LONP2: variants seen among roughly 807,000 people sequenced by gnomAD.
The protein encoded by LONP2 is lon protease homolog 2, peroxisomal.
A neutral mutation model predicts 85.6 loss-of-function variants in LONP2; 60 were observed. The ratio of observed to expected loss-of-function variants is 0.70; its 90% CI spans 0.57 to 0.87. The LOEUF (loss-of-function observed/expected upper bound fraction) is 0.87, where lower values mean the gene tolerates loss of function less well. LONP2 is among the 40% of genes least tolerant of loss of function. LONP2 has a pLI of 0.00. For synonymous variants in LONP2, 395 were observed against 389.7 expected (o/e 1.01, Z -0.16); for missense variants, 860 against 1,063.5 (o/e 0.81, Z 2.66).
intron 8 of LONP2, among the ~76,000 whole-genome samples, chr16:48,281,984 C>T (rs1259174842): frequency 6.6e-6 from 1 of 152,180 alleles, no homozygotes; most frequent in Non-Finnish European, 1.5e-5. Context: ...TCTTATTTCA[C>T]TACATGCTAT....
chr16:48,272,490 T>C (rs1972125487), intron 7 of LONP2, among the ~76,000 whole-genome samples: 1 of 152,218 alleles, frequency 6.6e-6, no homozygotes, highest in Admixed American at 6.5e-5. Context: ...TTTGTGTATG[T>C]GACTGTATTA....
intron 11 of LONP2, among the ~76,000 whole-genome samples, chr16:48,325,229 C>T (rs1268601719): frequency 6.6e-6 from 1 of 152,162 alleles, no homozygotes; most frequent in Admixed American, 6.5e-5. Context: ...GCTGATCTGA[C>T]CGGAGGCGGT....
At chr16:48,255,584 A>G (rs1971741650) in intron 2 of LONP2, among the ~76,000 whole-genome samples, 1 of 152,218 alleles carries the variant, frequency 6.6e-6, no homozygotes, top group African/African-American at 2.4e-5. Flanking sequence ...GATTCTAGTT[A>G]GTCCAAATTG....
chr16:48,355,962 T>C lies in LONP2; in HGVS notation c.*4160T>C, dbSNP rs1029234056. ...CTAAAAGCTTTAGGTGCTTTGCTTA[T>C]CAAGAAATCCTACACTGTCCACTGG... On this transcript the variant is annotated 3_prime_UTR_variant, in exon 15 of 15. Coordinates refer to ENST00000285737, the MANE Select transcript of LONP2 (RefSeq NM_031490.5). 1.3e-5 allele frequency: 2 copies of C among 152,150 alleles called. No homozygotes were observed. The highest frequency in any genetic ancestry group is 4.8e-5 in the African/African-American group (2 of 41,408). The allele number at this position is 152,150 out of a possible 1,614,324, so 9.4% of individuals were successfully genotyped here.
At chr16:48,281,974 T>C (rs1972337087) in intron 8 of LONP2, among the ~76,000 whole-genome samples, 1 of 152,238 alleles carries the variant, frequency 6.6e-6, no homozygotes. Context: ...TATTTTAATT[T>C]CTTATTTCAC....
chr16:48,324,383 C>A (rs547518865), intron 11 of LONP2, among the ~76,000 whole-genome samples: 1 of 152,182 alleles, frequency 6.6e-6, no homozygotes, highest in Non-Finnish European at 1.5e-5. Flanking sequence ...TCACACATAA[C>A]CCCTCTGCCA....
chr16:48,358,518 A>G (rs541866949), downstream of LONP2, among the ~76,000 whole-genome samples: 3 of 152,294 alleles, frequency 2.0e-5, no homozygotes, highest in Non-Finnish European at 2.9e-5. Context: ...AGGGCTCCCA[A>G]TATCTTTGAA....
chr16:48,263,707 T>A (rs182890012), intron 6 of LONP2, among the ~76,000 whole-genome samples: 48 of 152,358 alleles, frequency 3.2e-4, no homozygotes, highest in Non-Finnish European at 4.7e-4. Context: ...TTCAGTTCCT[T>A]TGGCTGTTTA....
intron 11 of LONP2, among the ~76,000 whole-genome samples, chr16:48,316,560 C>G (rs747891826): frequency 6.6e-6 from 1 of 151,678 alleles, no homozygotes; most frequent in Non-Finnish European, 1.5e-5. Flanking sequence ...CTCCTGACCT[C>G]AAGTGATCCA....
Position 48,256,659 on chromosome 16 carries a change from G to A in LONP2, c.518G>A (p.Arg173His), listed in dbSNP as rs745313902. 4.3e-6 allele frequency: 7 copies of A among 1,613,490 alleles called. No individual in the cohort carries two copies. Among genetic ancestry groups the A allele is most frequent in the Non-Finnish European group, 4.2e-6 (5 of 1,179,658 alleles). ...MSVPAVAKLR[R>H]LLDSLPREAL... ...GTCCCTGCAGTTGCTAAATTGAGAC[G>A]TCTTTTAGATAGTCTTCCAAGGGAA... The change falls in exon 3 of 15, where the codon CGT (arginine) becomes CAT (histidine). Residue 173 changes from arginine to histidine, a missense_variant. Around this residue, in one of 3 missense-constraint regions of LONP2, gnomAD observed 743 missense variants for 917.3 expected, o/e 0.81. Transcript: ENST00000285737.
At chr16:48,265,305 G>A (rs1042278064) in intron 6 of LONP2, among the ~76,000 whole-genome samples, 4 of 152,142 alleles carry the variant, frequency 2.6e-5, no homozygotes, top group African/African-American at 9.7e-5. Context: ...CCAATGTCAA[G>A]GAGCTTTTAA....
downstream of LONP2, chr16:48,361,505 G>A: frequency 6.8e-7 from 1 of 1,475,874 alleles, no homozygotes; most frequent in South Asian, 1.1e-5. Flanking sequence ...GTTTTAGGTT[G>A]GCAGACAGAT....
In LONP2 at chr16:48,299,731, G is replaced by A. The variant is rs142741961; in HGVS notation, c.1604G>A (p.Gly535Glu). The part of the protein sequence containing the change: ...HLIPKQLEQH[G>E]LTPQQIQIPQ... ...ATCCCCAAGCAGCTGGAACAACATG[G>A]GCTGACTCCACAGCAGATTCAGATA... The change falls in exon 10 of 15, where the codon GGG becomes GAG. Residue 535 changes from glycine to glutamate, a missense_variant. This residue lies in a region of LONP2 where 743 missense variants were observed against 917.3 expected (regional missense o/e 0.81). Transcript: ENST00000285737. The A allele has an allele frequency of 6.2e-7, 1 of 1,613,936 alleles. No individual in the cohort carries two copies. Among genetic ancestry groups the A allele is most frequent in the Middle Eastern group, 1.6e-4 (1 of 6,062 alleles).
chr16:48,284,989 T>C (rs917162226), intron 8 of LONP2, among the ~76,000 whole-genome samples: 1 of 152,258 alleles, frequency 6.6e-6, no homozygotes, highest in South Asian at 2.1e-4. Flanking sequence ...GTGTGGATAC[T>C]GTCTAGTGTC....
rs772768277 is a variant in LONP2 at position 48,362,986 on chromosome 16, G to T, written c.*1123G>T. On this transcript the variant is annotated 3_prime_UTR_variant, in exon 5 of 5. Transcript: ENST00000565867. This position sits in a 1 kb window ranked among gnomAD's most constrained non-coding sequence, Gnocchi z 4.2. ...AAGAATACAAAATTTTTAAAATACAGTCTATAACAACTATTTACATATTGT... is the reference window on the plus strand; with the variant it reads ...AAGAATACAAAATTTTTAAAATACATTCTATAACAACTATTTACATATTGT... 4 of 166,032 alleles carry T rather than the reference G, an allele frequency of 2.4e-5. No individual in the cohort carries two copies. Among genetic ancestry groups the T allele is most frequent in the Admixed American group, 6.5e-5 (1 of 15,370 alleles). 10.3% of individuals were successfully genotyped at this position (166,032 alleles called of 1,614,324 possible).
At chr16:48,273,382 G>A (rs1444418795) in intron 7 of LONP2, among the ~76,000 whole-genome samples, 1 of 152,128 alleles carries the variant, frequency 6.6e-6, no homozygotes, top group Non-Finnish European at 1.5e-5. Flanking sequence ...AGATGGGGAA[G>A]CAAAAGAGAG....
intron 14 of LONP2, among the ~76,000 whole-genome samples, chr16:48,350,397 AAAAT>A (rs1960105718): frequency 6.6e-6 from 1 of 152,076 alleles, no homozygotes; most frequent in Non-Finnish European, 1.5e-5. Flanking sequence ...AAAAAAAAAA[AAAAT>A]AGTAATGAAA....
At chr16:48,304,485 C>T (rs1371191371) in intron 11 of LONP2, among the ~76,000 whole-genome samples, 1 of 152,146 alleles carries the variant, frequency 6.6e-6, no homozygotes, top group East Asian at 1.9e-4. Context: ...AGGCAGATGA[C>T]TTGAGGTCAG....
At chr16:48,255,611 TC>T (rs901451397) in intron 2 of LONP2, among the ~76,000 whole-genome samples, 2 of 152,128 alleles carry the variant, frequency 1.3e-5, no homozygotes, top group African/African-American at 4.8e-5. Context: ...TTTGGCTGTG[TC>T]CCCACCCAAA....
Sources: allele counts gnomAD v4.1 joint callset (sites outside exome capture counted in the v4.1 genomes callset), GRCh38; gene constraint gnomAD v4.1.1; regional missense constraint gnomAD v4.1.1; non-coding constraint Gnocchi (gnomAD v3.1); transcripts MANE v1.5; gene names NCBI Gene and HGNC (gene_info 2026-07-23, HGNC 2026-07-21).